TMEM205: variants seen among roughly 807,000 people sequenced by gnomAD.
TMEM205 encodes transmembrane protein 205.
A neutral mutation model predicts 17.9 loss-of-function variants in TMEM205; 11 were observed. That is an observed-to-expected ratio of 0.61 (90% confidence interval 0.39 to 1.02). TMEM205 has a LOEUF of 1.02. TMEM205 is among the 50% of genes least tolerant of loss of function. The probability of loss-of-function intolerance (pLI) is 0.01; values close to 1 mark genes in which losing one functional copy is unlikely to be tolerated. For synonymous variants in TMEM205, 86 were observed against 97.4 expected (o/e 0.88, Z 0.69); for missense variants, 236 against 239.4 (o/e 0.99, Z 0.09).
In TMEM205 at chr19:11,345,860, C is replaced by T. The variant is rs1967194682; in HGVS notation, c.-241G>A. Reference sequence around the variant, plus strand: ...GATCTCAGGCTCTCTGGACCTCAATCTCCATGCCACTTCAGAGGCCCCAAA... The same window carrying T: ...GATCTCAGGCTCTCTGGACCTCAATTTCCATGCCACTTCAGAGGCCCCAAA... On this transcript the variant is annotated 5_prime_UTR_variant, in exon 1 of 3. Transcript: ENST00000354882. The T allele has an allele frequency of 4.5e-6, 3 of 672,690 alleles. No homozygotes were observed. The South Asian group carries it at 6.2e-5, about 14-fold the overall frequency. 41.7% of individuals were successfully genotyped at this position (672,690 alleles called of 1,614,324 possible). A position where few individuals can be genotyped will look rare whatever the true frequency, so the allele number is the denominator to read the frequency against.
rs528246393 is a variant in TMEM205 at position 11,345,172 on chromosome 19, T to G, written c.264+80A>C. The G allele has an allele frequency of 3.4e-6, 5 of 1,457,892 alleles. No homozygotes were observed. In the African/African-American group the frequency reaches 7.7e-5, roughly 22 times the overall value. 90.3% of individuals were successfully genotyped at this position (1,457,892 alleles called of 1,614,324 possible). ...TGCCTAGCCTTTTTTTTTCCCCCCC[T>G]GGAAAAGGTGTAGCCATAGGCGCTG... On this transcript the variant is annotated intron_variant, in intron 2 of 2. Transcript: ENST00000354882.
chr19:11,346,265 T>A lies in TMEM205; in HGVS notation c.-646A>T. ...CTCCTCGGCCGCGTCCCCTCGTGGG[T>A]TTCCCCCAACCAATAATTCGTCCCG... On this transcript the variant is annotated 5_prime_UTR_variant, in exon 1 of 3. Coordinates refer to ENST00000354882, the MANE Select transcript of TMEM205 (RefSeq NM_198536.3). 2 of 390,554 alleles carry A rather than the reference T, an allele frequency of 5.1e-6. No homozygotes were observed. The highest frequency in any genetic ancestry group is 9.2e-6 in the Non-Finnish European group (2 of 217,000). 24.2% of individuals were successfully genotyped at this position (390,554 alleles called of 1,614,324 possible).
chr19:11,343,093 G>A lies in TMEM205; in HGVS notation c.292C>T (p.Leu98=). 6.2e-7 allele frequency: 1 copy of A among 1,613,290 alleles called. No individual in the cohort carries two copies. Among genetic ancestry groups the A allele is most frequent in the Non-Finnish European group, 8.5e-7 (1 of 1,179,884 alleles). Residue 98 remains leucine (L), a synonymous_variant, in exon 3 of 3, where the codon CTG becomes TTG. Transcript: ENST00000354882. ...QLYLLFLSLT[L]ATVNARWLEP... ...AGCCAGCGGGCGTTGACAGTGGCCAGCGTAAGGCTCAGGAACAGCAGGTAA... is the reference window on the plus strand; with the variant it reads ...AGCCAGCGGGCGTTGACAGTGGCCAACGTAAGGCTCAGGAACAGCAGGTAA...
chr19:11,346,409 A>T, upstream of TMEM205: 1 of 640,306 alleles, frequency 1.6e-6, no homozygotes, highest in Non-Finnish European at 2.7e-6. Context: ...ACGGGCTTTT[A>T]TCCAATTACG....
At chr19:11,344,134 G>A (rs934952117) in intron 2 of TMEM205, among the ~76,000 whole-genome samples, 1 of 151,446 alleles carries the variant, frequency 6.6e-6, no homozygotes, top group African/African-American at 2.4e-5. Context: ...TAGTAGAGAC[G>A]GGGTTTCACC....
chr19:11,344,834 T>C (rs1018915587), intron 2 of TMEM205: 1 of 185,450 alleles, frequency 5.4e-6, no homozygotes, highest in Non-Finnish European at 1.1e-5. Context: ...CCCTCTCCTT[T>C]CCTCTCCTCT....
chr19:11,345,421 G>C lies in TMEM205; in HGVS notation c.101-6C>G. ...GCTTCGGAAAAGCAGGAAGCCTGCA[G>C]GGTATGGGGACCACAGGGGTGTTAG... On this transcript the variant is annotated splice_polypyrimidine_tract_variant and splice_region_variant and intron_variant, in intron 1 of 2. Coordinates refer to ENST00000354882, the MANE Select transcript of TMEM205 (RefSeq NM_198536.3). 1 of 1,614,154 alleles carries C rather than the reference G, an allele frequency of 6.2e-7. No homozygotes were observed. The highest frequency in any genetic ancestry group is 8.5e-7 in the Non-Finnish European group (1 of 1,180,018).
chr19:11,345,200 T>C, intron 2 of TMEM205, 52 bp downstream of exon 2: 1 of 1,598,528 alleles, frequency 6.3e-7, no homozygotes, highest in Non-Finnish European at 8.5e-7. Context: ...AGGCGCTGAC[T>C]GAGGTCCTGG....
chr19:11,343,283 C>G (rs1336353659), intron 2 of TMEM205, among the ~76,000 whole-genome samples, 163 bp from the exon 3 acceptor site: 4 of 152,126 alleles, frequency 2.6e-5, no homozygotes, highest in Non-Finnish European at 5.9e-5. Flanking sequence ...CTGAGGGACC[C>G]AAAGCAGAAC....
chr19:11,345,232 T>G lies in TMEM205; in HGVS notation c.264+20A>C, dbSNP rs1323343877. 2 of 1,613,394 alleles carry G rather than the reference T, an allele frequency of 1.2e-6. No individual in the cohort carries two copies. The highest frequency in any genetic ancestry group is 1.7e-5 in the Admixed American group (1 of 59,960). The stretch of plus-strand genomic sequence containing the variant: ...CTGGGAACAAGTCTCCAGAGGGCAG[T>G]GGCACTCAAACCCACGTACCTGGCT... On this transcript the variant is annotated intron_variant, in intron 2 of 2. Coordinates refer to ENST00000354882, the MANE Select transcript of TMEM205 (RefSeq NM_198536.3).
At chr19:11,344,584 C>T (rs564116422) in intron 2 of TMEM205, 1 of 152,184 alleles carries the variant, frequency 6.6e-6, no homozygotes, top group African/African-American at 2.4e-5. Flanking sequence ...AATTCCCAGT[C>T]GGGCTGGTTT....
At chr19:11,346,351 C>T (rs527982906), upstream of TMEM205, 4 of 571,710 alleles carry the variant, frequency 7.0e-6, no homozygotes, top group Non-Finnish European at 1.2e-5. Context: ...TCCCGCCCTC[C>T]TGGGTATTGA....
Position 11,343,138 on chromosome 19 carries a change from G to A in TMEM205, c.265-18C>T. 1 of 1,601,620 alleles carries A rather than the reference G, an allele frequency of 6.2e-7. No individual in the cohort carries two copies. Among genetic ancestry groups the A allele is most frequent in the Non-Finnish European group, 8.5e-7 (1 of 1,173,698 alleles). On this transcript the variant is annotated intron_variant, in intron 2 of 2. Coordinates refer to ENST00000354882, the MANE Select transcript of TMEM205 (RefSeq NM_198536.3). ...AGGTAAAGCTGGCAGGGAGAGCAGA[G>A]GAGAAGGTGAGCCATGCCTGGGAGG...
intron 2 of TMEM205, among the ~76,000 whole-genome samples, chr19:11,344,031 G>A (rs996411624): frequency 7.0e-6 from 1 of 143,192 alleles, no homozygotes; most frequent in Non-Finnish European, 1.5e-5. Flanking sequence ...TGCAATCTCC[G>A]CCTCCTGGGT....
intron 2 of TMEM205, 77 bp downstream of exon 2, chr19:11,345,174 GA>G: frequency 4.0e-6 from 6 of 1,485,014 alleles, no homozygotes; most frequent in East Asian, 2.3e-5. Context: ...TCCCCCCCTG[GA>G]AAAGGTGTAG....
chr19:11,344,856 C>CTTTT (rs66600829), intron 2 of TMEM205: 2 of 152,714 alleles, frequency 1.3e-5, no homozygotes, highest in South Asian at 1.3e-4. Context: ...CTTTCCTTTC[C>CTTTT]TTTTTTTTTT....
At chr19:11,345,153 GC>G in intron 2 of TMEM205, 98 bp downstream of exon 2, 1 of 1,349,492 alleles carries the variant, frequency 7.4e-7, no homozygotes, top group Admixed American at 2.3e-5. Context: ...ACCATGCCTA[GC>G]CTTTTTTTTT....
chr19:11,345,354 G>A lies in TMEM205; in HGVS notation c.162C>T (p.Phe54=). ...HTFGLVQSKL[F]PFYFHISMGC... Reference sequence around the variant, plus strand: ...CCATGGAGATGTGGAAGTAGAAGGGGAAGAGTTTGCTCTGCACTAGTCCGA... The same window carrying A: ...CCATGGAGATGTGGAAGTAGAAGGGAAAGAGTTTGCTCTGCACTAGTCCGA... Residue 54 remains phenylalanine, a synonymous_variant, in exon 2 of 3, where the codon TTC becomes TTT. Coordinates refer to ENST00000354882, the MANE Select transcript of TMEM205 (RefSeq NM_198536.3). The A allele has an allele frequency of 6.2e-7, 1 of 1,614,222 alleles. No homozygotes were observed.
At chr19:11,345,150 C>G in intron 2 of TMEM205, 102 bp downstream of exon 2, 1 of 1,338,166 alleles carries the variant, frequency 7.5e-7, no homozygotes, top group Non-Finnish European at 1.0e-6. Flanking sequence ...GCCACCATGC[C>G]TAGCCTTTTT....
Sources: gnomAD v4.1 joint callset for allele counts (sites outside exome capture counted in the v4.1 genomes callset) on GRCh38, gnomAD v4.1.1 for gene constraint, MANE v1.5 for transcripts, NCBI Gene and HGNC (gene_info 2026-07-23, HGNC 2026-07-21) for gene names.